MGA: variants seen among roughly 807,000 people sequenced by gnomAD.
The protein encoded by MGA is MAX dimerization protein MGA.
In MGA, 40 loss-of-function variants were observed where a neutral mutation model predicts 261.1. The observed-to-expected ratio is 0.15, with a 90% CI of 0.12 to 0.20. MGA has a LOEUF of 0.20. Ranked by LOEUF, MGA falls within the 10% of genes least tolerant of loss-of-function variation. The pLI, the probability that MGA is intolerant of heterozygous loss-of-function variation, is 1.00. For synonymous variants in MGA, 1,302 were observed against 1,290.6 expected (o/e 1.01, Z -0.19); for missense variants, 3,397 against 3,630.5 (o/e 0.94, Z 1.65).
chr15:41,693,966 T>C (rs1018254290), intron 2 of MGA, among the ~76,000 whole-genome samples: 2 of 152,192 alleles, frequency 1.3e-5, no homozygotes, highest in East Asian at 1.9e-4. Flanking sequence ...CTTGCAGTGA[T>C]TTCTGCAAGA....
intron 5 of MGA, among the ~76,000 whole-genome samples, chr15:41,700,293 G>A (rs528851678): frequency 3.3e-5 from 5 of 151,920 alleles, no homozygotes; most frequent in African/African-American, 4.8e-5. Flanking sequence ...TGATCTGCCC[G>A]CCTCGGCCTC....
rs17677991 is a variant in MGA, at chr15:41,740,185, C to A, written c.4567C>A (p.Pro1523Thr). The change falls in exon 14 of 24, where the codon CCA becomes ACA. Residue 1523 changes from proline (P) to threonine (T), a missense_variant. Transcript: ENST00000219905. Reference sequence around the variant, plus strand: ...TGGGAAGAATCTGAAGGCGTTTGTCCCAGCAAAACGGCCAATTGGTAAGTT... The same window carrying A: ...TGGGAAGAATCTGAAGGCGTTTGTCACAGCAAAACGGCCAATTGGTAAGTT... 6 of 1,613,420 alleles carry A rather than the reference C, an allele frequency of 3.7e-6. No homozygotes were observed. The African/African-American group carries it at 5.3e-5, about 14-fold the overall frequency.
chr15:41,716,946 A>G (rs1420654173), intron 9 of MGA, among the ~76,000 whole-genome samples: 1 of 152,158 alleles, frequency 6.6e-6, no homozygotes, highest in African/African-American at 2.4e-5. Flanking sequence ...TTGCTGAAAA[A>G]AAGATGGGTA....
At chr15:41,761,718 A>G in intron 20 of MGA, 21 bp from the exon 21 acceptor site, 1 of 1,448,900 alleles carries the variant, frequency 6.9e-7, no homozygotes, top group Non-Finnish European at 9.5e-7. Flanking sequence ...ATTTTCAATA[A>G]TACCACTATT....
chr15:41,713,111 GA>G, intron 8 of MGA, 39 bp from the exon 9 acceptor site: 2 of 1,591,170 alleles, frequency 1.3e-6, no homozygotes, highest in Non-Finnish European at 1.7e-6. Flanking sequence ...GGTGTAGGGG[GA>G]TGGTTTAGTG....
chr15:41,741,346 CAAAAAAAAAAAAA>C (rs11389766), intron 14 of MGA, among the ~76,000 whole-genome samples: 2 of 72,340 alleles, frequency 2.8e-5, no homozygotes, highest in African/African-American at 1.2e-4. Context: ...ACTCCATCTC[CAAAAAAAAAAAAA>C]AAAAAAAAAG....
chr15:41,748,272 A>C (rs1050522588), intron 15 of MGA, among the ~76,000 whole-genome samples: 1 of 151,582 alleles, frequency 6.6e-6, no homozygotes, highest in Non-Finnish European at 1.5e-5. Flanking sequence ...AAAAATATAG[A>C]CTGGGCGCGG....
rs766567906 is a variant in MGA, at chr15:41,748,766, A to C, written c.5342A>C (p.Gln1781Pro). 3 of 1,613,816 alleles carry C rather than the reference A, an allele frequency of 1.9e-6. No individual in the cohort carries two copies. In the African/African-American group the frequency reaches 4.0e-5, roughly 22 times the overall value. ...ACTCTTAGACCTGTCTCAAACACAC[A>C]ACTTCAGGGACATCGGATGGTCTTG... The change falls in exon 16 of 24, where the codon CAA (glutamine) becomes CCA (proline). Residue 1781 changes from glutamine (Q) to proline (P), a missense_variant. Physicochemically the swap from Gln to Pro is moderately conservative, Grantham distance 76. This residue lies in a region of MGA where 1,410 missense variants were observed against 1,386.4 expected (regional missense o/e 1.02). Transcript: ENST00000219905.
At position 41,710,788 on chromosome 15, in the gene MGA, C is replaced by T; in HGVS notation, c.2523C>T (p.Ser841=). ...ATGAAGGCAAGCTGATGGAAACAAG[C>T]ATGGGTTTTTCTTCTAATGCTCCCA... Residue 841 remains serine (S), a synonymous_variant, in exon 8 of 24, where the codon AGC becomes AGT. Transcript: ENST00000219905. 1 of 1,613,906 alleles carries T rather than the reference C, an allele frequency of 6.2e-7. No individual in the cohort carries two copies. Among genetic ancestry groups the T allele is most frequent in the Non-Finnish European group, 8.5e-7 (1 of 1,179,830 alleles).
intron 9 of MGA, among the ~76,000 whole-genome samples, chr15:41,718,892 T>C (rs1380231619): frequency 6.6e-6 from 1 of 152,056 alleles, no homozygotes; most frequent in East Asian, 1.9e-4. Context: ...TTTAACGTTA[T>C]GTACAGGAGG....
At chr15:41,670,367 CA>C (rs1253792629) in intron 2 of MGA, among the ~76,000 whole-genome samples, 2 of 151,618 alleles carry the variant, frequency 1.3e-5, no homozygotes, top group Non-Finnish European at 2.9e-5. Flanking sequence ...ATAGGCAAAA[CA>C]AAAAAAGACA....
At chr15:41,734,860 T>G (rs80068544) in intron 12 of MGA, among the ~76,000 whole-genome samples, 2 of 143,318 alleles carry the variant, frequency 1.4e-5, no homozygotes, top group South Asian at 2.2e-4. Context: ...GGTCAGTGAG[T>G]TTTTTTTTTT....
intron 1 of MGA, among the ~76,000 whole-genome samples, chr15:41,626,277 A>G (rs1237558712): frequency 7.2e-6 from 1 of 138,052 alleles, no homozygotes; most frequent in Non-Finnish European, 1.6e-5. Context: ...AGAAAAAACT[A>G]TTTTCCTCTT....
In MGA at chr15:41,706,110, G is replaced by A. The variant is rs370870783; in HGVS notation, c.2189-1618G>A. ...AAATTAGCCGGGCCTGGTGGCACACGCCTGTAATCCCAGCTACTTGGGAGG... is the reference window on the plus strand; with the variant it reads ...AAATTAGCCGGGCCTGGTGGCACACACCTGTAATCCCAGCTACTTGGGAGG... On this transcript the variant is annotated intron_variant, in intron 5 of 23. Coordinates refer to ENST00000219905, the MANE Select transcript of MGA (RefSeq NM_001164273.2). Among the ~76,000 whole-genome samples the A allele has an allele frequency of 1.7e-4, 26 of 152,028 alleles. No individual in the cohort carries two copies. The South Asian group carries it at 2.9e-3, about 17-fold the overall frequency.
At chr15:41,765,387 G>A (rs1394997994) in intron 23 of MGA, among the ~76,000 whole-genome samples, 2 of 152,154 alleles carry the variant, frequency 1.3e-5, no homozygotes, top group Non-Finnish European at 2.9e-5. Flanking sequence ...GTCACTTTTT[G>A]TGGTACTCAG....
chr15:41,650,153 T>A (rs1178210081), intron 1 of MGA, among the ~76,000 whole-genome samples: 11 of 152,202 alleles, frequency 7.2e-5, no homozygotes, highest in Admixed American at 7.2e-4. Context: ...GTATTGGTTA[T>A]CTGATAATAG....
In MGA at chr15:41,713,434, A is replaced by G. The variant is rs747083489; in HGVS notation, c.3368A>G (p.Glu1123Gly). ...GGAGAGGAGGCAAGGGAGGAGGAAG[A>G]AGGAATCAGGGAGGAGGAGGAACAA... The change falls in exon 9 of 24, where the codon GAA becomes GGA. Residue 1123 changes from glutamate (E) to glycine (G), a missense_variant. Physicochemically the swap from Glu to Gly is moderately conservative, Grantham distance 98 (BLOSUM62 -2). Transcript: ENST00000219905. The G allele has an allele frequency of 4.0e-5, 63 of 1,572,014 alleles. No individual in the cohort carries two copies. Among genetic ancestry groups the G allele is most frequent in the Non-Finnish European group, 5.2e-5 (60 of 1,157,258 alleles).
At position 41,750,020 on chromosome 15, in the gene MGA, G is replaced by A; in HGVS notation, c.6413G>A (p.Ser2138Asn). The A allele has an allele frequency of 6.2e-7, 1 of 1,613,152 alleles. No individual in the cohort carries two copies. The highest frequency in any genetic ancestry group is 8.5e-7 in the Non-Finnish European group (1 of 1,179,656). The change falls in exon 17 of 24, where the codon AGT becomes AAT. Residue 2138 changes from serine to asparagine, a missense_variant. By Grantham distance (46) the Ser-to-Asn change is conservative. Around this residue, in one of 9 missense-constraint regions of MGA, gnomAD observed 1,410 missense variants for 1,386.4 expected, o/e 1.02. Transcript: ENST00000219905. ...TTTCCAGTCACCTTTAAGGAAGAAA[G>A]TAAATTTGAATTGTCAGGAAGCAAA...
chr15:41,628,367 CAAAAAAAA>C (rs936932982), intron 1 of MGA, among the ~76,000 whole-genome samples: 1 of 47,100 alleles, frequency 2.1e-5, no homozygotes. Context: ...ACTCTGTATC[CAAAAAAAA>C]AAAAAAAAAA....
Sources: allele counts gnomAD v4.1 joint callset (sites outside exome capture counted in the v4.1 genomes callset), GRCh38; gene constraint gnomAD v4.1.1; regional missense constraint gnomAD v4.1.1; transcripts MANE v1.5; gene names NCBI Gene and HGNC (gene_info 2026-07-23, HGNC 2026-07-21).